Variants in NTM observed in about 807,000 individuals in gnomAD.
NTM encodes the protein neurotrimin, also known as IgLON family member 2.
A neutral mutation model predicts 42.1 loss-of-function variants in NTM; 13 were observed. The ratio of observed to expected loss-of-function variants is 0.31; its 90% CI spans 0.20 to 0.49. The LOEUF is 0.49. NTM is among the 20% of genes least tolerant of loss of function. The probability of loss-of-function intolerance (pLI) is 0.99; values close to 1 mark genes in which losing one functional copy is unlikely to be tolerated. For missense variants in NTM, 373 were observed against 452.8 expected (o/e 0.82, Z 1.60); for synonymous variants, 187 against 179.2 (o/e 1.04, Z -0.35).
intron 7 of NTM, 132 bp downstream of exon 7, chr11:132,314,835 AAGAG>A (rs966350276): frequency 7.1e-5 from 99 of 1,400,978 alleles, no homozygotes; most frequent in Non-Finnish European, 7.4e-5. Context: ...GAGGAAAAAA[AAGAG>A]AGAGACACAG....
chr11:131,686,609 G>GT (rs2073910196), intron 1 of NTM, among the ~76,000 whole-genome samples: 1 of 152,154 alleles, frequency 6.6e-6, no homozygotes. Flanking sequence ...CACTCTTGGT[G>GT]TAACTTTTAC....
intron 1 of NTM, among the ~76,000 whole-genome samples, chr11:131,406,624 G>C (rs1945839063): frequency 6.6e-6 from 1 of 151,994 alleles, no homozygotes; most frequent in Admixed American, 6.6e-5. Context: ...CACACTAAGA[G>C]GTTAATAACA....
intron 1 of NTM, among the ~76,000 whole-genome samples, chr11:131,503,548 G>A (rs2047098134): frequency 6.8e-6 from 1 of 146,930 alleles, no homozygotes; most frequent in Admixed American, 6.7e-5. Flanking sequence ...TTTGAGACAA[G>A]GTCTTACTCT....
At chr11:131,697,976 A>G (rs1055405472) in intron 1 of NTM, among the ~76,000 whole-genome samples, 3 of 152,178 alleles carry the variant, frequency 2.0e-5, no homozygotes, top group Non-Finnish European at 4.4e-5. Context: ...GGGCTCCAGG[A>G]GTGAATCCAC....
chr11:132,001,799 C>T (rs1180703090), intron 2 of NTM, among the ~76,000 whole-genome samples: 1 of 151,712 alleles, frequency 6.6e-6, no homozygotes, highest in African/African-American at 2.4e-5. Flanking sequence ...CACACACACA[C>T]ATACACACAA....
At position 131,658,686 on chromosome 11, in the gene NTM, G is replaced by A. The variant is rs116458386; in HGVS notation, c.83-252878G>A. Reference sequence around the variant, plus strand: ...GAATCAGAAGCTTTAAAAGGTGTAAGCGGCCGGACGCGGTGGCTCACGCCT... The same window carrying A: ...GAATCAGAAGCTTTAAAAGGTGTAAACGGCCGGACGCGGTGGCTCACGCCT... On this transcript the variant is annotated intron_variant, in intron 1 of 8. Transcript: ENST00000683400. 4.8e-3 allele frequency among the ~76,000 whole-genome samples: 728 copies of A among 152,288 alleles called. 9 individuals are homozygous for A. Among genetic ancestry groups the A allele is most frequent in the African/African-American group, 0.017 (688 of 41,552 alleles).
At position 132,224,933 on chromosome 11, in the gene NTM, T is replaced by C. The variant is rs185615757; in HGVS notation, c.526+12786T>C. Among the ~76,000 whole-genome samples the C allele has an allele frequency of 5.9e-5, 9 of 152,316 alleles. No homozygotes were observed. In the East Asian group the frequency reaches 1.7e-3, roughly 29 times the overall value. On this transcript the variant is annotated intron_variant, in intron 4 of 8. Transcript: ENST00000683400. ...GGTTCTCTGTCCAGCTTTTCTCCTG[T>C]GTGGCAATAGGTAGGGTATTATGGA...
intron 1 of NTM, among the ~76,000 whole-genome samples, chr11:131,824,890 C>T (rs1333729229): frequency 6.6e-6 from 1 of 152,116 alleles, no homozygotes; most frequent in Non-Finnish European, 1.5e-5. Context: ...TGCTGGAGGA[C>T]AAGGAAGGCC....
chr11:131,410,232 A>G (rs1416374617), intron 1 of NTM, among the ~76,000 whole-genome samples: 1 of 152,106 alleles, frequency 6.6e-6, no homozygotes, highest in African/African-American at 2.4e-5. Flanking sequence ...TCACACCTGT[A>G]TTCTCCGAGG....
chr11:131,975,704 G>A (rs748772252), intron 2 of NTM, among the ~76,000 whole-genome samples: 2 of 151,932 alleles, frequency 1.3e-5, no homozygotes, highest in African/African-American at 2.4e-5. Context: ...TTTTCTCCAC[G>A]GTTTCCTTCC....
At chr11:131,614,344 C>G (rs953091877) in intron 1 of NTM, among the ~76,000 whole-genome samples, 1 of 152,176 alleles carries the variant, frequency 6.6e-6, no homozygotes, top group African/African-American at 2.4e-5. Flanking sequence ...GGAATCCTGC[C>G]CCATGCTCCA....
intron 4 of NTM, among the ~76,000 whole-genome samples, chr11:132,282,998 T>A (rs1202231204): frequency 2.1e-5 from 2 of 94,636 alleles, no homozygotes; most frequent in African/African-American, 3.7e-5. Context: ...TTTTTTTTTT[T>A]TTTATTTGAG....
intron 1 of NTM, among the ~76,000 whole-genome samples, chr11:131,859,335 A>G (rs1214304532): frequency 6.6e-6 from 1 of 152,238 alleles, no homozygotes. Flanking sequence ...TTAAAACTGT[A>G]TAGAGGACTG....
chr11:131,776,581 C>T, intron 1 of NTM, among the ~76,000 whole-genome samples: 1 of 151,534 alleles, frequency 6.6e-6, no homozygotes, highest in South Asian at 2.1e-4. Flanking sequence ...ATATTTTAGA[C>T]ATTTTTTTTT....
At chr11:131,987,769 A>G (rs2066323561) in intron 2 of NTM, among the ~76,000 whole-genome samples, 1 of 152,236 alleles carries the variant, frequency 6.6e-6, no homozygotes, top group Non-Finnish European at 1.5e-5. Flanking sequence ...AAAAAGTCCA[A>G]ACACTCAAAT....
At chr11:131,402,604 G>A (rs143622735) in intron 1 of NTM, among the ~76,000 whole-genome samples, 11 of 152,206 alleles carry the variant, frequency 7.2e-5, no homozygotes, top group African/African-American at 1.9e-4. Flanking sequence ...CAGCTCCCTC[G>A]TGCGTGCCCA....
chr11:132,224,527 G>A (rs1056325678), intron 4 of NTM, among the ~76,000 whole-genome samples: 1 of 152,152 alleles, frequency 6.6e-6, no homozygotes, highest in East Asian at 1.9e-4. Context: ...AATCCCACAT[G>A]TTCCCAGTGG....
At chr11:132,087,735 A>G (rs867403093) in intron 2 of NTM, among the ~76,000 whole-genome samples, 6 of 147,970 alleles carry the variant, frequency 4.1e-5, no homozygotes, top group Admixed American at 1.3e-4. Context: ...GAGCAAAGGG[A>G]AAAAAAAAAG....
At chr11:132,152,099 C>T (rs557465349) in intron 3 of NTM, among the ~76,000 whole-genome samples, 22 of 152,330 alleles carry the variant, frequency 1.4e-4, no homozygotes, top group African/African-American at 5.3e-4. Context: ...CTAGAGACCC[C>T]TCCCCACTCT....
Sources: gnomAD v4.1 joint callset for allele counts (sites outside exome capture counted in the v4.1 genomes callset) on GRCh38, gnomAD v4.1.1 for gene constraint, MANE v1.5 for transcripts, NCBI Gene and HGNC (gene_info 2026-07-23, HGNC 2026-07-21) for gene names.